The following TMEM39B variants were observed in gnomAD, a reference collection of about 807,000 sequenced individuals.
TMEM39B encodes transmembrane protein 39B.
A neutral mutation model predicts 52.2 loss-of-function variants in TMEM39B; 23 were observed. That is an observed-to-expected ratio of 0.44 (90% CI 0.32 to 0.62). TMEM39B has a LOEUF of 0.62. Among genes scored for constraint, TMEM39B ranks in the 20% least tolerant of loss-of-function variants. The pLI is 0.06. For missense variants in TMEM39B, 547 were observed against 642.0 expected (o/e 0.85, Z 1.60); for synonymous variants, 285 against 264.0 (o/e 1.08, Z -0.77).
chr1:32,082,452 A>C (rs1640144124), intron 5 of TMEM39B, among the ~76,000 whole-genome samples: 1 of 151,648 alleles, frequency 6.6e-6, no homozygotes, highest in African/African-American at 2.4e-5. Flanking sequence ...TTATTTATTT[A>C]TTTTTATTTT....
chr1:32,088,215 G>A (rs574136693), intron 5 of TMEM39B, among the ~76,000 whole-genome samples: 1 of 149,978 alleles, frequency 6.7e-6, no homozygotes, highest in South Asian at 2.1e-4. Context: ...AGGAGATTGA[G>A]ACAATCTTGG....
chr1:32,094,717 C>T, intron 6 of TMEM39B, 67 bp from the exon 7 acceptor site: 1 of 1,562,126 alleles, frequency 6.4e-7, no homozygotes, highest in South Asian at 1.1e-5. Context: ...CAGGTAGAAT[C>T]AGGGAAGGAA....
At chr1:32,081,672 T>C (rs528120628) in intron 5 of TMEM39B, among the ~76,000 whole-genome samples, 1 of 150,576 alleles carries the variant, frequency 6.6e-6, no homozygotes, top group Admixed American at 6.7e-5. Context: ...TGCTTGAAAC[T>C]GGGAGGTGGA....
At chr1:32,075,445 G>C (rs954326275) in intron 2 of TMEM39B, among the ~76,000 whole-genome samples, 158 bp from the exon 3 acceptor site, 2 of 152,128 alleles carry the variant, frequency 1.3e-5, no homozygotes, top group Non-Finnish European at 2.9e-5. Context: ...ATAGGAAAAG[G>C]CTTTGTCGGG....
intron 8 of TMEM39B, 110 bp downstream of exon 8, chr1:32,100,672 A>G (rs749227770): frequency 1.4e-5 from 20 of 1,456,974 alleles, no homozygotes; most frequent in Non-Finnish European, 1.8e-5. Context: ...TATTTCCCCA[A>G]TCCAAAGGAA....
chr1:32,081,282 A>G (rs1330368853), intron 5 of TMEM39B, among the ~76,000 whole-genome samples: 1 of 151,638 alleles, frequency 6.6e-6, no homozygotes, highest in Non-Finnish European at 1.5e-5. Flanking sequence ...CCTGAGTGAC[A>G]AGACCCTGAG....
At chr1:32,088,564 A>ATTT (rs35622976) in intron 5 of TMEM39B, among the ~76,000 whole-genome samples, 1 of 123,840 alleles carries the variant, frequency 8.1e-6, no homozygotes. Flanking sequence ...CCTCACTCCC[A>ATTT]TTTTTTTTTT....
At chr1:32,080,470 C>T (rs1299832981) in intron 5 of TMEM39B, among the ~76,000 whole-genome samples, 1 of 151,126 alleles carries the variant, frequency 6.6e-6, no homozygotes, top group Non-Finnish European at 1.5e-5. Flanking sequence ...TTGAGACCAT[C>T]CTGGCTAACA....
intron 3 of TMEM39B, 70 bp from the exon 4 acceptor site, chr1:32,076,693 G>C (rs545501540): frequency 6.9e-7 from 1 of 1,441,972 alleles, no homozygotes; most frequent in East Asian, 2.3e-5. Flanking sequence ...GGCAGCGGGA[G>C]GTGGGTATGA....
chr1:32,075,805 C>G lies in TMEM39B; in HGVS notation c.334C>G (p.Pro112Ala). 4.0e-6 allele frequency: 6 copies of G among 1,516,176 alleles called. No individual in the cohort carries two copies. Among genetic ancestry groups the G allele is most frequent in the Non-Finnish European group, 5.3e-6 (6 of 1,123,968 alleles). 93.9% of individuals were successfully genotyped at this position (1,516,176 alleles called of 1,614,324 possible). A position where few individuals can be genotyped will look rare whatever the true frequency, so the allele number is the denominator to read the frequency against. Reference sequence around the variant, plus strand: ...GTGGTGGTATCCACCTTCCCACCCACCCTCCCACACCTCCCTGGTAGGTAC... The same window carrying G: ...GTGGTGGTATCCACCTTCCCACCCAGCCTCCCACACCTCCCTGGTAGGTAC... ...TVWWYPPSHPPSHTSLNFHLI... is the reference protein window; with the variant it reads ...TVWWYPPSHPASHTSLNFHLI... Residue 112 changes from proline (P) to alanine (A), a missense_variant, in exon 3 of 9, where the codon CCC becomes GCC. By Grantham distance (27) the Pro-to-Ala change is conservative (BLOSUM62 -1). Coordinates refer to ENST00000336294, the MANE Select transcript of TMEM39B (RefSeq NM_018056.4).
chr1:32,075,930 T>C (rs1639839370), intron 3 of TMEM39B, 108 bp downstream of exon 3: 3 of 723,602 alleles, frequency 4.1e-6, no homozygotes, highest in South Asian at 1.9e-5. Context: ...TAAGCACCAC[T>C]GTGCACTTGG....
chr1:32,100,554 C>T lies in TMEM39B; in HGVS notation c.1228C>T (p.Arg410Cys), dbSNP rs1640982720. The T allele has an allele frequency of 5.6e-6, 9 of 1,614,038 alleles. No homozygotes were observed. The highest frequency in any genetic ancestry group is 3.3e-5 in the South Asian group (3 of 91,084). ...TATCCCCTCTGACGTCTCCCACTTC[C>T]GCTTCCATGTGAGTCTCCTCCCCGG... ...VAIPSDVSHF[R>C]FHFFFSKPLR... The change falls in exon 8 of 9, where the codon CGC becomes TGC. Residue 410 changes from arginine to cysteine, a missense_variant. Transcript: ENST00000336294.
intron 5 of TMEM39B, among the ~76,000 whole-genome samples, chr1:32,090,477 C>G (rs1640559184): frequency 6.6e-6 from 1 of 151,644 alleles, no homozygotes; most frequent in Admixed American, 6.6e-5. Flanking sequence ...TTTTCTGAGA[C>G]AAAGTCTTAC....
intron 7 of TMEM39B, among the ~76,000 whole-genome samples, chr1:32,095,223 T>C (rs1025153075): frequency 1.3e-5 from 2 of 152,210 alleles, no homozygotes; most frequent in African/African-American, 4.8e-5. Context: ...ACTTTCTCTT[T>C]GCTGACTGTT....
intron 5 of TMEM39B, among the ~76,000 whole-genome samples, chr1:32,077,698 C>G (rs2124432210): frequency 6.6e-6 from 1 of 152,172 alleles, no homozygotes; most frequent in East Asian, 1.9e-4. Context: ...TGTGTAATCT[C>G]TTGGTATCTC....
intron 5 of TMEM39B, among the ~76,000 whole-genome samples, chr1:32,080,285 G>T (rs1341575252): frequency 3.3e-5 from 5 of 152,074 alleles, no homozygotes; most frequent in Admixed American, 2.0e-4. Flanking sequence ...ATTCCCAGAA[G>T]AATTAACTAC....
rs188425834 is a variant in TMEM39B, at chr1:32,085,536, A to C, written c.591-6139A>C. On this transcript the variant is annotated intron_variant, in intron 5 of 8. Transcript: ENST00000336294. ...GGGAGGCCAAGGTGGGTGGATCACA[A>C]GGTCAGGAGTTCAAGACCAGCCTGG... Among the ~76,000 whole-genome samples, 47 of 152,094 alleles carry C rather than the reference A, an allele frequency of 3.1e-4. No homozygotes were observed. In the Middle Eastern group the frequency reaches 0.034, roughly 110 times the overall value.
intron 3 of TMEM39B, chr1:32,076,214 C>A (rs568636820): frequency 1.1e-5 from 2 of 182,834 alleles, no homozygotes; most frequent in South Asian, 1.0e-4. Flanking sequence ...CAGTTTCAAG[C>A]GATTCTCCTG....
chr1:32,100,127 CTG>C (rs1458184620), intron 7 of TMEM39B, among the ~76,000 whole-genome samples: 3 of 151,998 alleles, frequency 2.0e-5, no homozygotes, highest in Non-Finnish European at 4.4e-5. Context: ...ACTCAGACAA[CTG>C]TGTGGTGGAC....
Sources: gnomAD v4.1 joint callset for allele counts (sites outside exome capture counted in the v4.1 genomes callset) on GRCh38, gnomAD v4.1.1 for gene constraint, MANE v1.5 for transcripts, NCBI Gene and HGNC (gene_info 2026-07-23, HGNC 2026-07-21) for gene names.